PDE10A: variants seen among roughly 807,000 people sequenced by gnomAD.
PDE10A encodes phosphodiesterase 10A, also known as cAMP and cAMP-inhibited cGMP 3',5'-cyclic phosphodiesterase 10A.
PDE10A carries 39 observed loss-of-function variants against 97.7 expected under a neutral mutation model. The observed-to-expected ratio is 0.40, with a 90% CI of 0.31 to 0.52. The LOEUF (loss-of-function observed/expected upper bound fraction) is 0.52. Ranked by LOEUF, PDE10A falls within the 20% of genes least tolerant of loss-of-function variation. The pLI is 0.56. For synonymous variants in PDE10A, 371 were observed against 376.8 expected, an observed-to-expected ratio of 0.98 and a Z score of 0.18; for missense variants, 731 against 1,047.8, an observed-to-expected ratio of 0.70 and a Z score of 4.17.
chr6:165,707,719 GTA>G (rs1256367133), intron 1 of PDE10A, among the ~76,000 whole-genome samples: 3 of 151,990 alleles, frequency 2.0e-5, no homozygotes, highest in Admixed American at 6.5e-5. Context: ...GTGCGTGTGT[GTA>G]TGAGTGTATG....
chr6:165,427,200 T>C (rs113245027), intron 10 of PDE10A, among the ~76,000 whole-genome samples: 62 of 152,220 alleles, frequency 4.1e-4, no homozygotes, highest in African/African-American at 1.5e-3. Flanking sequence ...AGCTAAGATA[T>C]GGAAACAATG....
intron 2 of PDE10A, among the ~76,000 whole-genome samples, chr6:165,498,278 C>A (rs1780654873): frequency 6.6e-6 from 1 of 151,284 alleles, no homozygotes; most frequent in South Asian, 2.1e-4. Flanking sequence ...GGCGCAGTGG[C>A]ATGCACCTAT....
chr6:165,834,310 T>C lies in PDE10A; in HGVS notation c.-615+153219A>G, dbSNP rs188962503. 3.5e-4 allele frequency among the ~76,000 whole-genome samples: 54 copies of C among 152,304 alleles called. 1 individual carries two copies. The highest frequency in any genetic ancestry group is 2.0e-3 in the Admixed American group (31 of 15,306). On this transcript the variant is annotated intron_variant, in intron 1 of 19. Transcript: ENST00000366882. ...ATTGCCAGGACTGGAAGCCACACTT[T>C]CCAAACTGGCAGTCCCAGCCCTTTC...
chr6:165,452,125 G>A (rs1054494364), intron 3 of PDE10A, among the ~76,000 whole-genome samples: 3 of 152,344 alleles, frequency 2.0e-5, no homozygotes, highest in African/African-American at 7.2e-5. Context: ...CCTGGCATAT[G>A]TGAATATATA....
intron 1 of PDE10A, among the ~76,000 whole-genome samples, chr6:165,841,168 A>G (rs1191163762): frequency 6.6e-6 from 1 of 152,202 alleles, no homozygotes; most frequent in Non-Finnish European, 1.5e-5. Context: ...TTGGAGTGTC[A>G]TCATTGCAAA....
chr6:165,500,666 C>T (rs914091200), intron 2 of PDE10A, among the ~76,000 whole-genome samples: 5 of 152,092 alleles, frequency 3.3e-5, no homozygotes, highest in African/African-American at 4.8e-5. Context: ...CCAGCCAACA[C>T]CCATAAAGGG....
At chr6:165,420,785 A>C (rs532168678) in intron 10 of PDE10A, among the ~76,000 whole-genome samples, 1 of 152,246 alleles carries the variant, frequency 6.6e-6, no homozygotes, top group Non-Finnish European at 1.5e-5. Flanking sequence ...CACCAGCCTA[A>C]AATGGCTTCA....
chr6:165,984,276 T>C (rs1439227898), intron 1 of PDE10A, among the ~76,000 whole-genome samples: 3 of 152,232 alleles, frequency 2.0e-5, no homozygotes, highest in Non-Finnish European at 4.4e-5. Flanking sequence ...TGTAGACTCT[T>C]ACTACCTGGG....
intron 1 of PDE10A, among the ~76,000 whole-genome samples, chr6:165,623,639 T>C (rs1416155012): frequency 6.6e-6 from 1 of 152,220 alleles, no homozygotes; most frequent in Non-Finnish European, 1.5e-5. Flanking sequence ...GCTTGTAGCT[T>C]AGACTCTGCA....
At chr6:165,501,527 C>T (rs748484249) in intron 2 of PDE10A, among the ~76,000 whole-genome samples, 2 of 151,232 alleles carry the variant, frequency 1.3e-5, no homozygotes, top group Non-Finnish European at 2.9e-5. Context: ...GAGCAGAGAT[C>T]GCGCCACTGC....
In PDE10A at chr6:165,872,553, A is replaced by G. The variant is rs140483283; in HGVS notation, c.-615+114976T>C. Among the ~76,000 whole-genome samples, 260 of 152,284 alleles carry G rather than the reference A, an allele frequency of 1.7e-3. 1 individual carries two copies. Among genetic ancestry groups the G allele is most frequent in the African/African-American group, 6.1e-3 (252 of 41,566 alleles). On this transcript the variant is annotated intron_variant, in intron 1 of 19. Transcript: ENST00000366882. Reference sequence around the variant, plus strand: ...GCTGGGGTGAGCTCCCTCCTGACCGAACACAATGAGTGCAATTGTTCCTTT... The same window carrying G: ...GCTGGGGTGAGCTCCCTCCTGACCGGACACAATGAGTGCAATTGTTCCTTT...
intron 1 of PDE10A, among the ~76,000 whole-genome samples, chr6:165,669,991 C>G (rs1790601968): frequency 6.6e-6 from 1 of 152,186 alleles, no homozygotes; most frequent in African/African-American, 2.4e-5. Context: ...CCAATTGGCC[C>G]CAGCCCAAGT....
In PDE10A at chr6:165,661,139, G is replaced by C. The variant is rs1202162564; in HGVS notation, c.865+808C>G. The C allele has an allele frequency of 6.6e-6, 1 of 152,492 alleles. No homozygotes were observed. The highest frequency in any genetic ancestry group is 6.5e-5 in the Admixed American group (1 of 15,280). 9.4% of individuals were successfully genotyped at this position (152,492 alleles called of 1,614,324 possible). The stretch of plus-strand genomic sequence containing the variant: ...GCCACCTCTGCCTCAGCGCGCTCTC[G>C]GCCCCGCGCCCGCGGGTGGCGAGGA... On this transcript the variant is annotated intron_variant, in intron 1 of 21. Transcript: ENST00000539869. This position sits in a 1 kb window ranked among gnomAD's most constrained non-coding sequence, Gnocchi z 4.8.
chr6:165,850,488 C>G (rs183579962), intron 1 of PDE10A, among the ~76,000 whole-genome samples: 2 of 152,296 alleles, frequency 1.3e-5, no homozygotes, highest in East Asian at 3.9e-4. Flanking sequence ...ACCCCTCACA[C>G]ACGGTAAAAC....
intron 1 of PDE10A, among the ~76,000 whole-genome samples, chr6:165,887,579 C>T (rs1331897731): frequency 1.3e-5 from 2 of 152,154 alleles, no homozygotes; most frequent in African/African-American, 2.4e-5. Flanking sequence ...CGTTCCCAGG[C>T]CTTCTCTTCT....
chr6:165,400,061 G>A (rs894647046), intron 13 of PDE10A, among the ~76,000 whole-genome samples: 2 of 152,106 alleles, frequency 1.3e-5, no homozygotes, highest in African/African-American at 4.8e-5. Context: ...GGCTGCAAAG[G>A]CGAGGCCATA....
intron 2 of PDE10A, among the ~76,000 whole-genome samples, chr6:165,490,774 G>A (rs1735202238): frequency 6.6e-6 from 1 of 152,110 alleles, no homozygotes; most frequent in African/African-American, 2.4e-5. Flanking sequence ...GGCCAACATG[G>A]GGAAACCCCA....
At chr6:165,600,462 T>C (rs1786878783) in intron 1 of PDE10A, among the ~76,000 whole-genome samples, 1 of 152,262 alleles carries the variant, frequency 6.6e-6, no homozygotes, top group Non-Finnish European at 1.5e-5. Context: ...CCAAATTGTG[T>C]GTGTGTGGCT....
At chr6:165,370,174 C>T (rs1017872993) in intron 18 of PDE10A, among the ~76,000 whole-genome samples, 3 of 151,532 alleles carry the variant, frequency 2.0e-5, no homozygotes, top group Admixed American at 2.0e-4. Context: ...CATCAACTAA[C>T]GAGCAAAATA....
Sources: allele counts gnomAD v4.1 joint callset (sites outside exome capture counted in the v4.1 genomes callset), GRCh38; gene constraint gnomAD v4.1.1; non-coding constraint Gnocchi (gnomAD v3.1); transcripts MANE v1.5; gene names NCBI Gene and HGNC (gene_info 2026-07-23, HGNC 2026-07-21).